The following AATK variants were observed in gnomAD, a reference collection of about 807,000 sequenced individuals.
AATK encodes lemur tail kinase 1.
In AATK, 91 loss-of-function variants were observed where a neutral mutation model predicts 114.3. The ratio of observed to expected loss-of-function variants is 0.80; its 90% CI spans 0.67 to 0.95. AATK has a LOEUF of 0.95. Ranked by LOEUF, AATK falls within the 40% of genes least tolerant of loss-of-function variation. AATK has a pLI of 0.00. For missense variants in AATK, 2,176 were observed against 1,965.2 expected, an observed-to-expected ratio of 1.11 and a Z score of -2.03; for synonymous variants, 1,075 against 916.5, an observed-to-expected ratio of 1.17 and a Z score of -3.12.
In AATK at chr17:81,126,523, G is replaced by A. The variant is rs550084704; in HGVS notation, c.659C>T (p.Ala220Val). 166 of 1,548,596 alleles carry A rather than the reference G, an allele frequency of 1.1e-4. No homozygotes were observed. The highest frequency in any genetic ancestry group is 1.4e-4 in the Non-Finnish European group (156 of 1,145,376). ...LKGYLRSCRV[A>V]ESMAPDPRTL... ...CCGGGGGTCGGGAGCCATGGACTCC[G>A]CCACCCGGCAGCTCCGCAGGTAGCC... The change falls in exon 7 of 14, where the codon GCG (alanine) becomes GTG (valine). Residue 220 changes from alanine (A) to valine (V), a missense_variant. Transcript: ENST00000326724. This position sits in a 1 kb window ranked among gnomAD's most constrained non-coding sequence, Gnocchi z 5.1.
chr17:81,123,026 C>A (rs1314070766), intron 10 of AATK, among the ~76,000 whole-genome samples, 168 bp downstream of exon 10: 1 of 152,140 alleles, frequency 6.6e-6, no homozygotes, highest in Non-Finnish European at 1.5e-5. Context: ...TTAAGCCTTC[C>A]CTCCCTGTAC....
At chr17:81,122,941 C>T (rs2060719376) in intron 10 of AATK, 118 bp from the exon 11 acceptor site, 1 of 1,045,780 alleles carries the variant, frequency 9.6e-7, no homozygotes, top group Admixed American at 3.3e-5. Flanking sequence ...AGGGTATCTC[C>T]CACTTAATTG....
Position 81,122,836 on chromosome 17 carries a change from C to T in AATK, c.1113-13G>A. 2 of 1,468,690 alleles carry T rather than the reference C, an allele frequency of 1.4e-6. No homozygotes were observed. Among genetic ancestry groups the T allele is most frequent in the Non-Finnish European group, 1.8e-6 (2 of 1,103,458 alleles). The allele number at this position is 1,468,690 out of a possible 1,614,324, so 91.0% of individuals were successfully genotyped here. A position where few individuals can be genotyped will look rare whatever the true frequency, so the allele number is the denominator to read the frequency against. On this transcript the variant is annotated splice_polypyrimidine_tract_variant and intron_variant, in intron 10 of 13. Coordinates refer to ENST00000326724, the MANE Select transcript of AATK (RefSeq NM_001080395.3). ...CATCACCTCGTACCTGCGAGGAGGT[C>T]CCCCGGGGGCCACGTCAGAGGCAAC... is the stretch of plus-strand genomic sequence containing the variant.
chr17:81,127,964 T>C lies in AATK; in HGVS notation c.415-54A>G, dbSNP rs866631429. 3.2e-5 allele frequency: 50 copies of C among 1,542,442 alleles called. No individual in the cohort carries two copies. The Middle Eastern group carries it at 6.9e-4, about 21-fold the overall frequency. ...TGCTCCGCCTCCACCGGCCCCGGCT[T>C]CCAGGCCTTACTCTTCTCCCACCCG... is the stretch of plus-strand genomic sequence containing the variant. On this transcript the variant is annotated intron_variant, in intron 4 of 13. Transcript: ENST00000326724.
At position 81,165,587 on chromosome 17, in the gene AATK, C is replaced by T. The variant is rs908839956; in HGVS notation, c.55+351G>A. The T allele has an allele frequency of 6.0e-6, 8 of 1,330,848 alleles. No individual in the cohort carries two copies. In the African/African-American group the frequency reaches 8.8e-5, roughly 15 times the overall value. The allele number at this position is 1,330,848 out of a possible 1,614,324, so 82.4% of individuals were successfully genotyped here. ...AGGCCATGGAAAGCCTGAACCCCAG[C>T]TGGCTGACACCCCCCACACCCCCAA... On this transcript the variant is annotated intron_variant, in intron 1 of 13. Coordinates refer to ENST00000326724, the MANE Select transcript of AATK (RefSeq NM_001080395.3).
chr17:81,133,040 C>T, intron 2 of AATK: 1 of 318,710 alleles, frequency 3.1e-6, no homozygotes, highest in South Asian at 2.3e-5. Context: ...TCGGGATCCC[C>T]AGGAAGGCGC....
chr17:81,119,827 G>C lies in AATK; in HGVS notation c.3883+109C>G, dbSNP rs141921985. The C allele has an allele frequency of 2.0e-4, 272 of 1,363,836 alleles. 1 individual carries two copies. The African/African-American group carries it at 3.9e-3, about 19-fold the overall frequency. The allele number at this position is 1,363,836 out of a possible 1,614,324, so 84.5% of individuals were successfully genotyped here. On this transcript the variant is annotated intron_variant, in intron 12 of 13. Coordinates refer to ENST00000326724, the MANE Select transcript of AATK (RefSeq NM_001080395.3). ...CCAAAGCCCGCCTCCCACGCGTCAAGGACCAGGTGCTCCTCCCATGATGTC... is the reference window on the plus strand; with the variant it reads ...CCAAAGCCCGCCTCCCACGCGTCAACGACCAGGTGCTCCTCCCATGATGTC...
At chr17:81,128,410 C>T (rs746228712) in intron 4 of AATK, 60 bp downstream of exon 4, 3 of 1,538,982 alleles carry the variant, frequency 1.9e-6, no homozygotes, top group African/African-American at 2.7e-5. Context: ...AGCAGGTCTG[C>T]AGCCCTGTGT....
intron 7 of AATK, 93 bp from the exon 8 acceptor site, chr17:81,125,107 C>G (rs934651272): frequency 3.5e-6 from 3 of 858,292 alleles, no homozygotes; most frequent in South Asian, 3.4e-5. Flanking sequence ...GTGTGCCGGG[C>G]GGGGGCATCC....
chr17:81,119,267 G>A (rs1286409801), intron 13 of AATK, 113 bp downstream of exon 13: 3 of 1,054,874 alleles, frequency 2.8e-6, no homozygotes, highest in East Asian at 3.3e-5. Context: ...GGAGCGGAGC[G>A]GAGCGGAGCC....
chr17:81,122,435 G>C lies in AATK; in HGVS notation c.1501C>G (p.Arg501Gly). The change falls in exon 11 of 14, where the codon CGC (arginine) becomes GGC (glycine). Residue 501 changes from arginine (R) to glycine (G), a missense_variant. Coordinates refer to ENST00000326724, the MANE Select transcript of AATK (RefSeq NM_001080395.3). ...TCGGGGGCGCACAGCTCCTGCAGGC[G>C]TGCGGTGCGGCCAGGGCTCAGCGTG... Reference protein sequence around the residue: ...PATLSPGRTARLQELCAPDGA... With the variant: ...PATLSPGRTAGLQELCAPDGA... The C allele has an allele frequency of 5.5e-6, 8 of 1,454,666 alleles. No homozygotes were observed. Among genetic ancestry groups the C allele is most frequent in the Non-Finnish European group, 7.2e-6 (8 of 1,104,244 alleles). The allele number at this position is 1,454,666 out of a possible 1,614,324, so 90.1% of individuals were successfully genotyped here. A position where few individuals can be genotyped will look rare whatever the true frequency, so the allele number is the denominator to read the frequency against.
rs548655386 is a variant in AATK at position 81,142,325 on chromosome 17, C to T, written c.56-7824G>A. On this transcript the variant is annotated intron_variant, in intron 1 of 13. Transcript: ENST00000326724. ...TCTTGCTCTGTCACCCAGGCTGGAG[C>T]GCAGTGGTGCAATCACGGCTCATGG... 1.1e-4 allele frequency among the ~76,000 whole-genome samples: 16 copies of T among 150,612 alleles called. No individual in the cohort carries two copies. The South Asian group carries it at 2.7e-3, about 26-fold the overall frequency.
At chr17:81,163,262 C>T (rs900635783) in intron 1 of AATK, among the ~76,000 whole-genome samples, 3 of 152,204 alleles carry the variant, frequency 2.0e-5, no homozygotes, top group Non-Finnish European at 4.4e-5. Flanking sequence ...CCTGAGGCCG[C>T]ACCAGGGAAG....
rs202002919 is a variant in AATK at position 81,154,319 on chromosome 17, C to CTTT, written c.55+11616_55+11618dup. 7.0e-3 allele frequency among the ~76,000 whole-genome samples: 792 copies of CTTT among 113,738 alleles called. 29 individuals are homozygous for CTTT. Among genetic ancestry groups the CTTT allele is most frequent in the South Asian group, 0.026 (91 of 3,500 alleles). 74.6% of individuals were successfully genotyped at this position (113,738 alleles called of 152,430 possible). On this transcript the variant is annotated intron_variant, in intron 1 of 13. Coordinates refer to ENST00000326724, the MANE Select transcript of AATK (RefSeq NM_001080395.3). ...TTTCTTTTTTCTTAGTTTTTTCTTT[C>CTTT]TTTTTTTTTTTTTTTTTTTGAGATG...
chr17:81,128,543 A>G lies in AATK; in HGVS notation c.341T>C (p.Leu114Pro), dbSNP rs1382577364. ...CCGGCCCACGTCTGTGGACTTGAGG[A>G]GCTGCACTGTAACCAAGCAGGGGGT... ...MAKQPGRSVQ[L>P]LKSTDVGRHS... is the part of the protein sequence containing the mutation. Residue 114 changes from leucine to proline, a missense_variant, in exon 4 of 14, where the codon CTC becomes CCC. By Grantham distance (98) the Leu-to-Pro change is moderately conservative (BLOSUM62 -3). This residue lies in a region of AATK where 178 missense variants were observed against 175.4 expected (regional missense o/e 1.01). Transcript: ENST00000326724. 1 of 1,549,048 alleles carries G rather than the reference A, an allele frequency of 6.5e-7. No homozygotes were observed. Among genetic ancestry groups the G allele is most frequent in the Non-Finnish European group, 8.7e-7 (1 of 1,146,838 alleles).
At chr17:81,138,287 CCACACATGTGCACACATATCCA>C (rs1224649890) in intron 1 of AATK, among the ~76,000 whole-genome samples, 1 of 140,192 alleles carries the variant, frequency 7.1e-6, no homozygotes, top group Non-Finnish European at 1.6e-5. Context: ...GCACACCCAC[CCACACATGTGCACACATATCCA>C]CACACGTGCA....
At chr17:81,132,008 T>C (rs2060941171) in intron 2 of AATK, 1 of 1,308,094 alleles carries the variant, frequency 7.6e-7, no homozygotes, top group African/African-American at 1.5e-5. Flanking sequence ...AGCCTAGGGC[T>C]GGGCCACTCC....
intron 1 of AATK, among the ~76,000 whole-genome samples, chr17:81,138,621 A>C (rs1313192095): frequency 2.3e-5 from 3 of 129,570 alleles, no homozygotes; most frequent in Admixed American, 1.5e-4. Flanking sequence ...ACACACACAT[A>C]CCCACACACA....
chr17:81,126,891 G>C lies in AATK; in HGVS notation c.622-331C>G, dbSNP rs888770025. On this transcript the variant is annotated intron_variant, in intron 6 of 13. Coordinates refer to ENST00000326724, the MANE Select transcript of AATK (RefSeq NM_001080395.3). This position sits in a 1 kb window ranked among gnomAD's most constrained non-coding sequence, Gnocchi z 5.1. ...GTCTGGGGCTGGTGGTCGAGGGTTG[G>C]CCGGCAGCCCCTGACCTGCCGAAAG... 55 of 1,139,082 alleles carry C rather than the reference G, an allele frequency of 4.8e-5. No individual in the cohort carries two copies. Among genetic ancestry groups the C allele is most frequent in the Non-Finnish European group, 5.9e-5 (54 of 920,942 alleles). The allele number at this position is 1,139,082 out of a possible 1,614,324, so 70.6% of individuals were successfully genotyped here.
Sources: gnomAD v4.1 joint callset for allele counts (sites outside exome capture counted in the v4.1 genomes callset) on GRCh38, gnomAD v4.1.1 for gene constraint, gnomAD v4.1.1 regional missense constraint, Gnocchi (gnomAD v3.1) non-coding constraint, MANE v1.5 for transcripts, NCBI Gene and HGNC (gene_info 2026-07-23, HGNC 2026-07-21) for gene names.